Variants in ZNF91 observed in about 807,000 individuals in gnomAD.
ZNF91 encodes the protein zinc finger protein 91 (HPF7, HTF10).
ZNF91 carries 7 observed loss-of-function variants against 12.6 expected under a neutral mutation model. That is an observed-to-expected ratio of 0.55 (90% confidence interval 0.31 to 1.04). The LOEUF (loss-of-function observed/expected upper bound fraction) is 1.04, where lower values mean the gene tolerates loss of function less well. Ranked by LOEUF, ZNF91 falls within the 50% of genes least tolerant of loss-of-function variation. ZNF91 has a pLI of 0.05. For missense variants in ZNF91, 1,217 were observed against 1,385.4 expected, an observed-to-expected ratio of 0.88 and a Z score of 1.93; for synonymous variants, 453 against 462.6, an observed-to-expected ratio of 0.98 and a Z score of 0.27.
chr19:23,384,207 G>A (rs930789740), intron 1 of ZNF91, among the ~76,000 whole-genome samples: 12 of 152,184 alleles, frequency 7.9e-5, no homozygotes, highest in East Asian at 1.9e-4. Context: ...CAGGAAAACC[G>A]TAGAGACTTG....
At chr19:23,329,284 T>C (rs963930370) in intron 1 of ZNF91, among the ~76,000 whole-genome samples, 2 of 152,112 alleles carry the variant, frequency 1.3e-5, no homozygotes, top group Non-Finnish European at 2.9e-5. Flanking sequence ...CTTGGAAGCA[T>C]AGGATTCATG....
In ZNF91 at chr19:23,349,979, C is replaced by T. The variant is rs185218655; in HGVS notation, c.254-10925G>A. ...GGATAGTTCATGGGGTTATTGCACTCCCATATATACTCTAAATATAATAAT... is the reference window on the plus strand; with the variant it reads ...GGATAGTTCATGGGGTTATTGCACTTCCATATATACTCTAAATATAATAAT... On this transcript the variant is annotated intron_variant, in intron 3 of 3. Transcript: ENST00000599743. 3.3e-5 allele frequency among the ~76,000 whole-genome samples: 5 copies of T among 152,266 alleles called. No homozygotes were observed. The East Asian group carries it at 9.6e-4, about 29-fold the overall frequency.
Position 23,373,851 on chromosome 19 carries a change from A to G in ZNF91, c.158-14T>C, listed in dbSNP as rs1215901965. 1 of 1,586,790 alleles carries G rather than the reference A, an allele frequency of 6.3e-7. No individual in the cohort carries two copies. Among genetic ancestry groups the G allele is most frequent in the Non-Finnish European group, 8.6e-7 (1 of 1,163,826 alleles). On this transcript the variant is annotated splice_polypyrimidine_tract_variant and intron_variant, in intron 2 of 3. Transcript: ENST00000300619. Reference sequence around the variant, plus strand: ...AGAGAGCAATACCTGTTTTATTAAAAATAACTAACATGAGTCTTGCTCATA... The same window carrying G: ...AGAGAGCAATACCTGTTTTATTAAAGATAACTAACATGAGTCTTGCTCATA...
rs200251921 is a variant in ZNF91, at chr19:23,373,346, TTATATATATATATA to T, written c.253+382_253+395del. Among the ~76,000 whole-genome samples, 465 of 85,802 alleles carry T rather than the reference TTATATATATATATA, an allele frequency of 5.4e-3. 7 individuals carry two copies. The highest frequency in any genetic ancestry group is 0.015 in the African/African-American group (386 of 25,812). 56.3% of individuals were successfully genotyped at this position (85,802 alleles called of 152,430 possible). Reference sequence around the variant, plus strand: ...GTTGCTTTTTGTAGATCATGTAATCTTATATATATATATATATATATATATATATATATATATAT... The same window carrying T: ...GTTGCTTTTTGTAGATCATGTAATCTTATATATATATATATATATATATAT... On this transcript the variant is annotated intron_variant, in intron 3 of 3. Transcript: ENST00000300619.
intron 1 of ZNF91, among the ~76,000 whole-genome samples, chr19:23,323,678 TCCTCTA>T (rs1431971964): frequency 1.7e-4 from 21 of 125,254 alleles, no homozygotes; most frequent in African/African-American, 5.6e-4. Flanking sequence ...TCTCTCCTCC[TCCTCTA>T]CTTCTCCTTC....
At chr19:23,325,913 T>A (rs1034281309) in intron 1 of ZNF91, 18 of 152,338 alleles carry the variant, frequency 1.2e-4, no homozygotes, top group Admixed American at 3.3e-4. Flanking sequence ...CCCTCCCTGT[T>A]GTCTACAAAA....
At chr19:23,323,537 CCTTT>C (rs1967759358) in intron 1 of ZNF91, among the ~76,000 whole-genome samples, 1 of 150,120 alleles carries the variant, frequency 6.7e-6, no homozygotes, top group Admixed American at 6.6e-5. Context: ...TCCTCCTTTT[CCTTT>C]TTCTCTCCTC....
intron 1 of ZNF91, among the ~76,000 whole-genome samples, chr19:23,390,084 A>G (rs1174721227): frequency 1.3e-5 from 2 of 152,192 alleles, no homozygotes; most frequent in Non-Finnish European, 2.9e-5. Context: ...CGGGAGGCTG[A>G]GACAGGCGAA....
rs575815130 is a variant in ZNF91, at chr19:23,382,763, GA to G, written c.31-8000del. ...ACAAACAAGAAAATCTAGAAAAAAT[GA>G]AAAAAAGTATTAAGGAATACATCCT... On this transcript the variant is annotated intron_variant, in intron 1 of 3. Coordinates refer to ENST00000300619, the MANE Select transcript of ZNF91 (RefSeq NM_003430.4). Among the ~76,000 whole-genome samples the G allele has an allele frequency of 7.9e-3, 1,195 of 151,616 alleles. 6 individuals carry two copies. Among genetic ancestry groups the G allele is most frequent in the Middle Eastern group, 0.027 (8 of 294 alleles).
upstream of ZNF91, among the ~76,000 whole-genome samples, chr19:23,312,965 T>C (rs905777152): frequency 2.0e-5 from 3 of 152,146 alleles, no homozygotes; most frequent in African/African-American, 7.2e-5. Flanking sequence ...GGTCCACAGG[T>C]AGGCAGGTGA....
At position 23,389,997 on chromosome 19, in the gene ZNF91, A is replaced by T. The variant is rs962705044; in HGVS notation, c.30+5328T>A. On this transcript the variant is annotated intron_variant, in intron 1 of 3. Coordinates refer to ENST00000300619, the MANE Select transcript of ZNF91 (RefSeq NM_003430.4). The stretch of plus-strand genomic sequence containing the variant: ...CTCACAGAACTCAGCGGAACACTGT[A>T]GTCATATTTACCATTTTCACATAAA... Among the ~76,000 whole-genome samples the T allele has an allele frequency of 2.6e-5, 4 of 152,290 alleles. No homozygotes were observed. The East Asian group carries it at 5.8e-4, about 22-fold the overall frequency.
intron 1 of ZNF91, chr19:23,380,867 C>A (rs1969690672): frequency 7.2e-6 from 1 of 139,168 alleles, no homozygotes; most frequent in Admixed American, 6.8e-5. Context: ...CTACCACCAG[C>A]ACTTTTTGAT....
intron 1 of ZNF91, 98 bp downstream of exon 1, chr19:23,395,227 G>T: frequency 6.9e-7 from 1 of 1,452,420 alleles, no homozygotes; most frequent in Non-Finnish European, 9.5e-7. Context: ...GGATTGTGGA[G>T]CTGACTGAAG....
upstream of ZNF91, among the ~76,000 whole-genome samples, chr19:23,315,474 G>A (rs1450231590): frequency 6.6e-6 from 1 of 152,062 alleles, no homozygotes; most frequent in African/African-American, 2.4e-5. Context: ...ATTACCACTA[G>A]GCCCAGCACA....
Position 23,360,338 on chromosome 19 carries a change from GT to G in ZNF91, c.2640del (p.Lys880AsnfsTer79). 1 of 1,613,974 alleles carries G rather than the reference GT, an allele frequency of 6.2e-7. No homozygotes were observed. The highest frequency in any genetic ancestry group is 8.5e-7 in the Non-Finnish European group (1 of 1,179,988). ...TTGTCACATTCTTCACTCTTGGAAG[GT>G]TTCTCTTTAGTATGAATTATCTTAT... is the stretch of plus-strand genomic sequence containing the variant. ...TTHKIIHTKE[K>X]PSKSEECDKA... is the part of the protein sequence containing the mutation. On this transcript the variant is annotated frameshift_variant, in exon 4 of 4. Coordinates refer to ENST00000300619, the MANE Select transcript of ZNF91 (RefSeq NM_003430.4). LOFTEE classifies it low-confidence loss of function (END_TRUNC).
In ZNF91 at chr19:23,358,460, T is replaced by C. The variant is rs867560144; in HGVS notation, c.*943A>G. The C allele has an allele frequency of 6.6e-6, 1 of 152,198 alleles. No individual in the cohort carries two copies. Among genetic ancestry groups the C allele is most frequent in the African/African-American group, 2.4e-5 (1 of 41,446 alleles). 9.4% of individuals were successfully genotyped at this position (152,198 alleles called of 1,614,324 possible). A position where few individuals can be genotyped will look rare whatever the true frequency, so the allele number is the denominator to read the frequency against. ...CATAGAAAAGGTCATAAATAATGCC[T>C]CTTCATATTTGTAATGCTTTTTCAA... On this transcript the variant is annotated 3_prime_UTR_variant, in exon 4 of 4. Transcript: ENST00000300619.
intron 1 of ZNF91, among the ~76,000 whole-genome samples, chr19:23,394,558 C>T (rs1215999533): frequency 6.6e-6 from 1 of 151,940 alleles, no homozygotes; most frequent in African/African-American, 2.4e-5. Context: ...AGGTGAAACC[C>T]CGTCTCTCCG....
chr19:23,384,549 T>C (rs1225846353), intron 1 of ZNF91: 5 of 1,159,724 alleles, frequency 4.3e-6, no homozygotes, highest in Non-Finnish European at 5.5e-6. Context: ...AAGGCCCCAA[T>C]TTACCTGAAA....
chr19:23,362,778 T>C, intron 3 of ZNF91, 53 bp from the exon 4 acceptor site: 2 of 1,336,230 alleles, frequency 1.5e-6, no homozygotes, highest in Non-Finnish European at 1.9e-6. Flanking sequence ...TAGACTCACA[T>C]GAATATAGTT....
Sources: gnomAD v4.1 joint callset for allele counts (sites outside exome capture counted in the v4.1 genomes callset) on GRCh38, gnomAD v4.1.1 for gene constraint, MANE v1.5 for transcripts, NCBI Gene and HGNC (gene_info 2026-07-23, HGNC 2026-07-21) for gene names.